RIMS1: variants seen among roughly 807,000 people sequenced by gnomAD.
The protein encoded by RIMS1 is regulating synaptic membrane exocytosis 1, also known as regulating synaptic membrane exocytosis protein 1.
RIMS1 carries 83 observed loss-of-function variants against 214.1 expected under a neutral mutation model. The ratio of observed to expected loss-of-function variants is 0.39; its 90% CI spans 0.32 to 0.47. The LOEUF (loss-of-function observed/expected upper bound fraction) is 0.47. Among genes scored for constraint, RIMS1 ranks in the 20% least tolerant of loss-of-function variants. RIMS1 has a pLI of 0.99. For missense variants in RIMS1, 2,050 were observed against 2,161.8 expected, an observed-to-expected ratio of 0.95 and a Z score of 1.03; for synonymous variants, 793 against 786.8, an observed-to-expected ratio of 1.01 and a Z score of -0.13.
At chr6:72,196,580 C>CTTTTTTTTTTTTTT (rs61651151) in intron 6 of RIMS1, among the ~76,000 whole-genome samples, 1,668 of 57,066 alleles carry the variant, frequency 0.029, 562 homozygotes, top group East Asian at 0.095. Flanking sequence ...GCCAGCTGCA[C>CTTTTTTTTTTTTTT]TTTTTTTTTT....
At chr6:72,208,368 A>C (rs1306266681) in intron 6 of RIMS1, among the ~76,000 whole-genome samples, 2 of 152,206 alleles carry the variant, frequency 1.3e-5, no homozygotes, top group African/African-American at 2.4e-5. Context: ...TCATTCTATA[A>C]TACCTTTCCC....
chr6:72,169,255 CTG>C (rs2046692250), intron 4 of RIMS1, among the ~76,000 whole-genome samples: 1 of 152,118 alleles, frequency 6.6e-6, no homozygotes, highest in Admixed American at 6.5e-5. Context: ...AATGCAAATA[CTG>C]TGTTATTCTA....
intron 2 of RIMS1, among the ~76,000 whole-genome samples, chr6:72,051,107 C>G (rs759544273): frequency 6.6e-6 from 1 of 152,154 alleles, no homozygotes; most frequent in East Asian, 1.9e-4. Context: ...TTCAGTACCT[C>G]TTCCAAAAGA....
chr6:71,910,506 C>T (rs927657374), intron 1 of RIMS1, among the ~76,000 whole-genome samples: 2 of 152,086 alleles, frequency 1.3e-5, no homozygotes, highest in Non-Finnish European at 2.9e-5. Context: ...TGAATACTGT[C>T]CAAATTTTAT....
intron 6 of RIMS1, among the ~76,000 whole-genome samples, chr6:72,200,725 T>TA (rs2051808824): frequency 6.6e-6 from 1 of 152,174 alleles, no homozygotes; most frequent in South Asian, 2.1e-4. Context: ...ACTTGGGGCA[T>TA]TAGATGCTTC....
chr6:72,065,766 T>C (rs1415595956), intron 2 of RIMS1, among the ~76,000 whole-genome samples: 2 of 152,130 alleles, frequency 1.3e-5, no homozygotes, highest in African/African-American at 4.8e-5. Flanking sequence ...TTTGACCATA[T>C]AATGGTAAAT....
intron 2 of RIMS1, among the ~76,000 whole-genome samples, chr6:72,077,233 C>G (rs1832144844): frequency 6.6e-6 from 1 of 152,210 alleles, no homozygotes; most frequent in African/African-American, 2.4e-5. Context: ...AGGGGCGTGT[C>G]TGTATGTTTC....
At chr6:72,246,199 T>A (rs1257831117) in intron 11 of RIMS1, among the ~76,000 whole-genome samples, 1 of 152,316 alleles carries the variant, frequency 6.6e-6, no homozygotes, top group South Asian at 2.1e-4. Context: ...TTCAGTTTGA[T>A]TGCTAAGCAG....
At chr6:72,399,899 T>G (rs1161329215) in intron 33 of RIMS1, among the ~76,000 whole-genome samples, 1 of 152,138 alleles carries the variant, frequency 6.6e-6, no homozygotes, top group South Asian at 2.1e-4. Context: ...TTGTGGTAAT[T>G]TTTAATGATC....
At chr6:72,107,186 G>T (rs999539425) in intron 4 of RIMS1, among the ~76,000 whole-genome samples, 4 of 152,170 alleles carry the variant, frequency 2.6e-5, no homozygotes, top group African/African-American at 9.6e-5. Flanking sequence ...GGTAAGGAAA[G>T]AATATATACA....
intron 29 of RIMS1, chr6:72,366,812 G>C: frequency 1.0e-6 from 1 of 985,654 alleles, no homozygotes; most frequent in Non-Finnish European, 1.2e-6. Flanking sequence ...TTGGCATTCA[G>C]TTTTCCCCAG....
chr6:72,284,792 G>A (rs1186034230), intron 24 of RIMS1, among the ~76,000 whole-genome samples: 1 of 152,060 alleles, frequency 6.6e-6, no homozygotes. Context: ...AAGGGACACA[G>A]ATGTAAATGA....
At chr6:72,268,804 G>C (rs968838249) in intron 22 of RIMS1, among the ~76,000 whole-genome samples, 7 of 152,098 alleles carry the variant, frequency 4.6e-5, no homozygotes, top group Admixed American at 4.6e-4. Context: ...ATGCTTATGG[G>C]TTACCATAAT....
At chr6:72,375,980 G>A (rs895605527) in intron 29 of RIMS1, among the ~76,000 whole-genome samples, 1 of 152,162 alleles carries the variant, frequency 6.6e-6, no homozygotes, top group African/African-American at 2.4e-5. Context: ...AAATGCAAGA[G>A]AAAAGAGATG....
At position 72,401,694 on chromosome 6, in the gene RIMS1, G is replaced by A. The variant is rs2098836263; in HGVS notation, c.*980G>A. ...CATACTTTGACTTCCCAAAAATGGTGACTAGGAATGGATTTGAGCCTAAGA... is the reference window on the plus strand; with the variant it reads ...CATACTTTGACTTCCCAAAAATGGTAACTAGGAATGGATTTGAGCCTAAGA... On this transcript the variant is annotated 3_prime_UTR_variant, in exon 34 of 34. Coordinates refer to ENST00000521978, the MANE Select transcript of RIMS1 (RefSeq NM_014989.7). 1 of 152,578 alleles carries A rather than the reference G, an allele frequency of 6.6e-6. No homozygotes were observed. Among genetic ancestry groups the A allele is most frequent in the African/African-American group, 2.4e-5 (1 of 41,444 alleles). The allele number at this position is 152,578 out of a possible 1,614,324, so 9.5% of individuals were successfully genotyped here. A position where few individuals can be genotyped will look rare whatever the true frequency, so the allele number is the denominator to read the frequency against.
rs1318904621 is a variant in RIMS1 at position 71,911,987 on chromosome 6, A to G, written c.164+24800A>G. Among the ~76,000 whole-genome samples the G allele has an allele frequency of 2.6e-5, 4 of 152,168 alleles. No homozygotes were observed. The East Asian group carries it at 7.7e-4, about 29-fold the overall frequency. On this transcript the variant is annotated intron_variant, in intron 1 of 33. Coordinates refer to ENST00000521978, the MANE Select transcript of RIMS1 (RefSeq NM_014989.7). ...AAATGCTTTCCCCTCACCAATGTCA[A>G]AACTTTTGTATTCAGTATCAAAAAC... is the stretch of plus-strand genomic sequence containing the variant.
At chr6:72,125,636 G>T (rs968102285) in intron 4 of RIMS1, among the ~76,000 whole-genome samples, 2 of 152,198 alleles carry the variant, frequency 1.3e-5, no homozygotes, top group Non-Finnish European at 2.9e-5. Flanking sequence ...CTGCAGTGGG[G>T]TCCACCCAGT....
rs1426510396 is a variant in RIMS1, at chr6:72,363,302, C to T, written c.4367-27296C>T. Among the ~76,000 whole-genome samples, 5 of 152,012 alleles carry T rather than the reference C, an allele frequency of 3.3e-5. No homozygotes were observed. In the East Asian group the frequency reaches 5.8e-4, roughly 18 times the overall value. On this transcript the variant is annotated intron_variant, in intron 29 of 33. Coordinates refer to ENST00000521978, the MANE Select transcript of RIMS1 (RefSeq NM_014989.7). ...GTATAGGGAGAAAGGGAAAAAGTGGCGCAAAAACATTCTTAAGAGCAAGTT... is the reference window on the plus strand; with the variant it reads ...GTATAGGGAGAAAGGGAAAAAGTGGTGCAAAAACATTCTTAAGAGCAAGTT...
intron 4 of RIMS1, among the ~76,000 whole-genome samples, chr6:72,117,523 A>G (rs560241132): frequency 6.6e-6 from 1 of 152,108 alleles, no homozygotes; most frequent in Middle Eastern, 3.4e-3. Flanking sequence ...TCTCCAAGAT[A>G]GACCAAAACA....
Sources: gnomAD v4.1 joint callset for allele counts (sites outside exome capture counted in the v4.1 genomes callset) on GRCh38, gnomAD v4.1.1 for gene constraint, MANE v1.5 for transcripts, NCBI Gene and HGNC (gene_info 2026-07-23, HGNC 2026-07-21) for gene names.